The following GUCA1C variants were observed in gnomAD, a reference collection of about 807,000 sequenced individuals.
The protein encoded by GUCA1C is guanylate cyclase activator 1C.
Under a neutral mutation model 16.2 loss-of-function variants are expected in GUCA1C, and 15 were observed. The observed-to-expected ratio is 0.93, with a 90% confidence interval of 0.62 to 1.43. The LOEUF (loss-of-function observed/expected upper bound fraction) is 1.43, where lower values mean the gene tolerates loss of function less well. Among genes scored for constraint, GUCA1C ranks in the 40% most tolerant of loss-of-function variants. The probability of loss-of-function intolerance (pLI) is 0.00; values close to 1 mark genes in which losing one functional copy is unlikely to be tolerated. For missense variants in GUCA1C, 275 were observed against 244.8 expected (o/e 1.12, Z -0.82); for synonymous variants, 78 against 85.4 (o/e 0.91, Z 0.48).
At chr3:108,934,970 C>T (rs887277443) in intron 1 of GUCA1C, among the ~76,000 whole-genome samples, 5 of 151,806 alleles carry the variant, frequency 3.3e-5, no homozygotes, top group African/African-American at 1.2e-4. Context: ...CCCGCCACCA[C>T]GCCCGGCTAA....
At chr3:108,951,445 A>G (rs1449067087) in intron 1 of GUCA1C, among the ~76,000 whole-genome samples, 2 of 152,240 alleles carry the variant, frequency 1.3e-5, no homozygotes, top group African/African-American at 4.8e-5. Flanking sequence ...AAAATTTAAA[A>G]AATAAAGTCG....
intron 1 of GUCA1C, among the ~76,000 whole-genome samples, chr3:108,940,206 A>C (rs1419631413): frequency 6.6e-6 from 1 of 152,224 alleles, no homozygotes; most frequent in Non-Finnish European, 1.5e-5. Flanking sequence ...TTGCAACTTA[A>C]TGATTTACAA....
intron 1 of GUCA1C, among the ~76,000 whole-genome samples, chr3:108,921,377 T>C (rs1946567736): frequency 6.6e-6 from 1 of 152,202 alleles, no homozygotes; most frequent in Non-Finnish European, 1.5e-5. Context: ...CTTCCAGATT[T>C]TGGCAATTAT....
intron 1 of GUCA1C, among the ~76,000 whole-genome samples, chr3:108,943,236 G>C (rs779847123): frequency 6.6e-6 from 1 of 152,044 alleles, no homozygotes; most frequent in African/African-American, 2.4e-5. Flanking sequence ...TCGAGGGGGA[G>C]TGGGGGCGCT....
At chr3:108,929,954 G>A (rs1363213234) in intron 1 of GUCA1C, among the ~76,000 whole-genome samples, 1 of 152,200 alleles carries the variant, frequency 6.6e-6, no homozygotes, top group Non-Finnish European at 1.5e-5. Context: ...CAATCTTGGA[G>A]AAGATTATTT....
chr3:108,952,080 A>C (rs1946900863), intron 1 of GUCA1C, among the ~76,000 whole-genome samples: 1 of 152,224 alleles, frequency 6.6e-6, no homozygotes, highest in Non-Finnish European at 1.5e-5. Context: ...CTAACCTCTC[A>C]GGAGTACTTA....
At chr3:108,912,090 AGAGAC>A (rs1946461087) in intron 3 of GUCA1C, among the ~76,000 whole-genome samples, 1 of 143,342 alleles carries the variant, frequency 7.0e-6, no homozygotes, top group African/African-American at 2.6e-5. Context: ...GGTGACAGAG[AGAGAC>A]TCCGTCTCAA....
intron 3 of GUCA1C, among the ~76,000 whole-genome samples, chr3:108,912,105 A>ATAATAATAATAATAATAATAT (rs1946461857): frequency 6.9e-6 from 1 of 144,834 alleles, no homozygotes; most frequent in Admixed American, 7.1e-5. Flanking sequence ...CTCCGTCTCA[A>ATAATAATAATAATAATAATAT]TAATAATAAT....
Position 108,912,122 on chromosome 3 carries a change from A to AATAATAATAATAATAATAATAATAATC in GUCA1C, c.443-3914_443-3913insGATTATTATTATTATTATTATTATTAT, listed in dbSNP as rs762101057. On this transcript the variant is annotated intron_variant, in intron 3 of 3. Coordinates refer to ENST00000261047, the MANE Select transcript of GUCA1C (RefSeq NM_005459.4). ...CCGTCTCAATAATAATAATAATAAT[A>AATAATAATAATAATAATAATAATAATC]ATCACCCTTTTCATTTCCTGTTTGG... is the stretch of plus-strand genomic sequence containing the variant. Among the ~76,000 whole-genome samples the AATAATAATAATAATAATAATAATAATC allele has an allele frequency of 7.3e-3, 1,082 of 147,650 alleles. 16 individuals carry two copies. The highest frequency in any genetic ancestry group is 0.032 in the Middle Eastern group (9 of 282).
chr3:108,908,233 A>G (rs370322039), intron 3 of GUCA1C, 24 bp from the exon 4 acceptor site: 1 of 1,536,514 alleles, frequency 6.5e-7, no homozygotes, highest in African/African-American at 1.4e-5. Context: ...AACAGTTAAT[A>G]AGAGGCTTTG....
intron 1 of GUCA1C, among the ~76,000 whole-genome samples, chr3:108,932,348 A>C (rs796979852): frequency 0.025 from 3,790 of 151,276 alleles, 77 homozygotes; most frequent in Middle Eastern, 0.12. Flanking sequence ...AACAAAAAAA[A>C]AAAACAGCAT....
chr3:108,953,971 G>A, upstream of GUCA1C: 1 of 566,696 alleles, frequency 1.8e-6, no homozygotes, highest in South Asian at 2.3e-5. Context: ...CTTGGCACTT[G>A]GTAACTAACA....
intron 3 of GUCA1C, among the ~76,000 whole-genome samples, chr3:108,913,211 CT>C (rs1946473810): frequency 1.4e-5 from 2 of 139,180 alleles, no homozygotes; most frequent in Admixed American, 7.7e-5. Context: ...GATGTGCTTG[CT>C]TTTTATTTTG....
intron 1 of GUCA1C, among the ~76,000 whole-genome samples, chr3:108,942,594 T>C (rs751192066): frequency 1.3e-5 from 2 of 152,242 alleles, no homozygotes; most frequent in Non-Finnish European, 1.5e-5. Context: ...CCTGCTGGGA[T>C]GGGATTGAAG....
intron 1 of GUCA1C, among the ~76,000 whole-genome samples, chr3:108,939,472 G>A (rs1434413299): frequency 6.6e-6 from 1 of 150,998 alleles, no homozygotes; most frequent in East Asian, 1.9e-4. Flanking sequence ...GATTACAGGC[G>A]CCCGCCACCA....
intron 1 of GUCA1C, among the ~76,000 whole-genome samples, chr3:108,930,408 A>G (rs1156496570): frequency 6.6e-6 from 1 of 152,260 alleles, no homozygotes; most frequent in Non-Finnish European, 1.5e-5. Context: ...GAAACAACCA[A>G]TAGTTCTGAA....
chr3:108,937,582 C>T (rs112624121), intron 1 of GUCA1C, among the ~76,000 whole-genome samples: 10 of 152,262 alleles, frequency 6.6e-5, no homozygotes, highest in African/African-American at 2.2e-4. Context: ...ACAGACTGAA[C>T]TAATAATAAT....
chr3:108,927,203 G>T (rs1017862849), intron 1 of GUCA1C, among the ~76,000 whole-genome samples: 2 of 151,928 alleles, frequency 1.3e-5, no homozygotes, highest in Non-Finnish European at 2.9e-5. Flanking sequence ...ATGACTATGT[G>T]CCTAGGCAAT....
chr3:108,947,640 G>C (rs1010283376), intron 1 of GUCA1C, among the ~76,000 whole-genome samples: 1 of 151,148 alleles, frequency 6.6e-6, no homozygotes, highest in Non-Finnish European at 1.5e-5. Flanking sequence ...AATATTTTTA[G>C]GATAAAATTA....
Sources: allele counts gnomAD v4.1 joint callset (sites outside exome capture counted in the v4.1 genomes callset), GRCh38; gene constraint gnomAD v4.1.1; transcripts MANE v1.5; gene names NCBI Gene and HGNC (gene_info 2026-07-23, HGNC 2026-07-21).